NRG2: variants seen among roughly 807,000 people sequenced by gnomAD.
NRG2 encodes the protein neuregulin 2.
A neutral mutation model predicts 73.9 loss-of-function variants in NRG2; 27 were observed. The ratio of observed to expected loss-of-function variants is 0.37; its 90% confidence interval spans 0.27 to 0.50. The LOEUF is 0.50. Among genes scored for constraint, NRG2 ranks in the 20% least tolerant of loss-of-function variants. NRG2 has a pLI of 0.96. For missense variants in NRG2, 1,126 were observed against 1,210.1 expected, an observed-to-expected ratio of 0.93 and a Z score of 1.03; for synonymous variants, 532 against 541.0, an observed-to-expected ratio of 0.98 and a Z score of 0.23.
intron 1 of NRG2, among the ~76,000 whole-genome samples, chr5:139,925,780 C>A (rs774331051): frequency 1.3e-5 from 2 of 152,190 alleles, no homozygotes; most frequent in Non-Finnish European, 2.9e-5. Context: ...GTAGAGGACC[C>A]CTGCAGGGAT....
chr5:139,975,404 C>T (rs1756311851), intron 1 of NRG2, among the ~76,000 whole-genome samples: 1 of 152,224 alleles, frequency 6.6e-6, no homozygotes, highest in Non-Finnish European at 1.5e-5. Context: ...CCTAGTCTGC[C>T]ACCCTTACCC....
intron 1 of NRG2, among the ~76,000 whole-genome samples, chr5:139,890,754 C>T (rs956912781): frequency 2.0e-5 from 3 of 152,104 alleles, no homozygotes; most frequent in African/African-American, 4.8e-5. Flanking sequence ...AGTGTGGGTT[C>T]GGGTTGTGGG....
intron 1 of NRG2, among the ~76,000 whole-genome samples, chr5:140,030,924 C>G (rs1367140350): frequency 6.6e-6 from 1 of 152,210 alleles, no homozygotes; most frequent in Non-Finnish European, 1.5e-5. Context: ...TGTTACTAGC[C>G]TTTTTGGAGA....
At chr5:140,012,409 C>T (rs1335266053) in intron 1 of NRG2, among the ~76,000 whole-genome samples, 3 of 152,174 alleles carry the variant, frequency 2.0e-5, no homozygotes, top group African/African-American at 7.2e-5. Context: ...CAAAGTAATC[C>T]TGTCTTAACT....
intron 1 of NRG2, among the ~76,000 whole-genome samples, chr5:139,956,889 G>T (rs1424787097): frequency 1.3e-5 from 2 of 152,204 alleles, no homozygotes; most frequent in Non-Finnish European, 2.9e-5. Context: ...GTGTGCCCAA[G>T]GACACAAAGC....
intron 1 of NRG2, among the ~76,000 whole-genome samples, chr5:139,911,405 G>A (rs1324850175): frequency 2.0e-5 from 3 of 152,182 alleles, no homozygotes; most frequent in Non-Finnish European, 4.4e-5. Context: ...CCAGGCCCAA[G>A]AGGAAGAAGA....
chr5:139,891,144 C>A (rs6868928), intron 1 of NRG2, among the ~76,000 whole-genome samples: 36,104 of 152,100 alleles, frequency 0.24, 5,361 homozygotes, highest in African/African-American at 0.42. Context: ...TGGCGGTGGC[C>A]GCTGGTGGGA....
Position 139,991,445 on chromosome 5 carries a change from ATAT to A in NRG2, c.700+50922_700+50924del, listed in dbSNP as rs919424058. On this transcript the variant is annotated intron_variant, in intron 1 of 9. Transcript: ENST00000361474. Reference sequence around the variant, plus strand: ...AGTTATGGGGTGTTTTTTACATTTCATATTATTATTATTATTAATATAACTATT... The same window carrying A: ...AGTTATGGGGTGTTTTTTACATTTCATATTATTATTATTAATATAACTATT... Among the ~76,000 whole-genome samples the A allele has an allele frequency of 4.3e-4, 65 of 152,010 alleles. 1 individual carries two copies. The highest frequency in any genetic ancestry group is 2.0e-3 in the Admixed American group (30 of 15,264).
At chr5:139,905,021 T>C (rs1765142327) in intron 1 of NRG2, among the ~76,000 whole-genome samples, 1 of 152,178 alleles carries the variant, frequency 6.6e-6, no homozygotes, top group Non-Finnish European at 1.5e-5. Flanking sequence ...CATTTGTGCC[T>C]GGCAGCAAGG....
In NRG2 at chr5:140,042,672, C is replaced by G. The variant is rs1267203123; in HGVS notation, c.398G>C (p.Gly133Ala). ...QAYKAPVVVE[G>A]KVQGLVPAGG... is the part of the protein sequence containing the mutation. ...GGCTGGGACCAGCCCCTGTACCTTG[C>G]CCTCCACCACCACGGGTGCCTTGTA... Residue 133 changes from glycine (G) to alanine (A), a missense_variant, in exon 1 of 10, where the codon GGC becomes GCC. Gly to Ala is a moderately conservative substitution (Grantham distance 60). Transcript: ENST00000361474. The G allele has an allele frequency of 6.3e-7, 1 of 1,592,352 alleles. No homozygotes were observed. The highest frequency in any genetic ancestry group is 1.8e-5 in the Admixed American group (1 of 57,072).
chr5:140,037,580 C>G (rs1463926791), intron 1 of NRG2, among the ~76,000 whole-genome samples: 1 of 152,064 alleles, frequency 6.6e-6, no homozygotes, highest in African/African-American at 2.4e-5. Flanking sequence ...GGCTTAATGG[C>G]AAAATTAACA....
chr5:139,871,891 G>C (rs375660530), intron 3 of NRG2, 50 bp from the exon 4 acceptor site: 2 of 1,590,670 alleles, frequency 1.3e-6, no homozygotes, highest in African/African-American at 2.7e-5. Flanking sequence ...CTATCCCTAG[G>C]CCCCAGGAAT....
rs765310886 is a variant in NRG2, at chr5:139,921,306, G to T, written c.701-33795C>A. Among the ~76,000 whole-genome samples, 14 of 152,154 alleles carry T rather than the reference G, an allele frequency of 9.2e-5. 1 individual carries two copies. The highest frequency in any genetic ancestry group is 1.3e-4 in the Non-Finnish European group (9 of 68,014). On this transcript the variant is annotated intron_variant, in intron 1 of 9. Transcript: ENST00000361474. ...CAAGAATAGCCAACTCAATATTGAG[G>T]GAGAACAAAGAAGACTTACACTGCC...
At chr5:139,884,085 C>A (rs1402601262) in intron 2 of NRG2, among the ~76,000 whole-genome samples, 1 of 152,166 alleles carries the variant, frequency 6.6e-6, no homozygotes, top group African/African-American at 2.4e-5. Flanking sequence ...AGATTCTCGT[C>A]AGTTCAGCCC....
chr5:139,961,978 A>T (rs1755100095), intron 1 of NRG2, among the ~76,000 whole-genome samples: 1 of 152,044 alleles, frequency 6.6e-6, no homozygotes, highest in South Asian at 2.1e-4. Context: ...TCTCCTCTCC[A>T]CTGAGGCTCT....
chr5:140,040,276 G>A (rs991234122), intron 1 of NRG2, among the ~76,000 whole-genome samples: 2 of 151,996 alleles, frequency 1.3e-5, no homozygotes, highest in African/African-American at 4.8e-5. Context: ...GATAATTTGT[G>A]ATATGTGAGG....
At chr5:140,021,482 C>T (rs1760220559) in intron 1 of NRG2, among the ~76,000 whole-genome samples, 1 of 152,186 alleles carries the variant, frequency 6.6e-6, no homozygotes, top group African/African-American at 2.4e-5. Context: ...CTGGAATGGA[C>T]CATACTTTTC....
chr5:139,971,557 C>G (rs1250852795), intron 1 of NRG2, among the ~76,000 whole-genome samples: 3 of 152,102 alleles, frequency 2.0e-5, no homozygotes, highest in Non-Finnish European at 4.4e-5. Context: ...AAGGAAAAAC[C>G]AGAAGACAGC....
At position 139,971,622 on chromosome 5, in the gene NRG2, G is replaced by T. The variant is rs1328213196; in HGVS notation, c.700+70748C>A. Among the ~76,000 whole-genome samples the T allele has an allele frequency of 7.2e-5, 11 of 152,268 alleles. No homozygotes were observed. The East Asian group carries it at 2.1e-3, about 29-fold the overall frequency. On this transcript the variant is annotated intron_variant, in intron 1 of 9. Coordinates refer to ENST00000361474, the MANE Select transcript of NRG2 (RefSeq NM_004883.3). ...TAAAAAAAATCAAGCATTCTCAAGT[G>T]CATGAGCAATATGCAATTAGAAAAT... is the stretch of plus-strand genomic sequence containing the variant.
Sources: gnomAD v4.1 joint callset for allele counts (sites outside exome capture counted in the v4.1 genomes callset) on GRCh38, gnomAD v4.1.1 for gene constraint, MANE v1.5 for transcripts, NCBI Gene and HGNC (gene_info 2026-07-23, HGNC 2026-07-21) for gene names.